The following MUC20 variants were observed in gnomAD, a reference collection of about 807,000 sequenced individuals.
The protein encoded by MUC20 is mucin-20.
MUC20 carries 14 observed loss-of-function variants against 23.8 expected under a neutral mutation model. That is an observed-to-expected ratio of 0.59 (90% CI 0.39 to 0.92). The LOEUF (loss-of-function observed/expected upper bound fraction) is 0.92. Ranked by LOEUF, MUC20 falls within the 40% of genes least tolerant of loss-of-function variation. The pLI, the probability that MUC20 is intolerant of heterozygous loss-of-function variation, is 0.00. For synonymous variants in MUC20, 166 were observed against 279.3 expected, an observed-to-expected ratio of 0.59 and a Z score of 4.04; for missense variants, 375 against 668.8, an observed-to-expected ratio of 0.56 and a Z score of 4.85.
In MUC20 at chr3:195,733,149, G is replaced by C. The variant is rs1485589711; in HGVS notation, c.2062-1G>C. ...GGACAGCTGGCTCTTTTGCTCTCCA[G>C]CTCCACCGGGAACTCCACGCCCACG... On this transcript the variant is annotated splice_acceptor_variant, in intron 3 of 3. Coordinates refer to ENST00000447234, the MANE Select transcript of MUC20 (RefSeq NM_001282506.2). LOFTEE classifies it high-confidence loss of function. 1 of 1,586,132 alleles carries C rather than the reference G, an allele frequency of 6.3e-7. No individual in the cohort carries two copies. Among genetic ancestry groups the C allele is most frequent in the African/African-American group, 1.3e-5 (1 of 74,370 alleles).
Position 195,733,198 on chromosome 3 carries a change from C to G in MUC20, c.2110C>G (p.Leu704Val). 6.3e-7 allele frequency: 1 copy of G among 1,594,384 alleles called. No individual in the cohort carries two copies. The highest frequency in any genetic ancestry group is 8.5e-7 in the Non-Finnish European group (1 of 1,171,412). ...CGCGCCTCACTTCCAGGTCTCCTTA[C>G]TGCGTGTCAGGAGAGGCTAACGGAC... ...AHAPHFQVSL[L>V]RVRRG The change falls in exon 4 of 4, where the codon CTG (leucine) becomes GTG (valine). Residue 704 changes from leucine (L) to valine (V), a missense_variant. Physicochemically the swap from Leu to Val is conservative, Grantham distance 32. Around this residue, in one of 4 missense-constraint regions of MUC20, gnomAD observed 343 missense variants for 340.2 expected, o/e 1.01. Coordinates refer to ENST00000447234, the MANE Select transcript of MUC20 (RefSeq NM_001282506.2).
At chr3:195,723,601 G>T (rs546559791) in intron 1 of MUC20, among the ~76,000 whole-genome samples, 1 of 109,656 alleles carries the variant, frequency 9.1e-6, no homozygotes, top group Non-Finnish European at 1.9e-5. Context: ...AAAGTTATTC[G>T]TCGTTTATCT....
At chr3:195,731,064 A>G (rs1354984169) in intron 3 of MUC20, among the ~76,000 whole-genome samples, 1 of 152,256 alleles carries the variant, frequency 6.6e-6, no homozygotes, top group Non-Finnish European at 1.5e-5. Flanking sequence ...CTCTGCTCAC[A>G]GATGTAACCG....
At chr3:195,728,804 C>T (rs989945382) in intron 2 of MUC20, among the ~76,000 whole-genome samples, 5 of 152,170 alleles carry the variant, frequency 3.3e-5, no homozygotes, top group Non-Finnish European at 5.9e-5. Context: ...CGGCTTTCCA[C>T]AGTGCATTGT....
rs760495917 is a variant in MUC20 at position 195,725,949 on chromosome 3, G to C, written c.1346G>C (p.Gly449Ala). Residue 449 changes from glycine to alanine, a missense_variant, in exon 2 of 4, where the codon GGG becomes GCG. By Grantham distance (60) the Gly-to-Ala change is moderately conservative (BLOSUM62 0). Transcript: ENST00000447234. ...ASDTDLIPTE[G>A]VKASSTSDPP... ...GACACAGATCTCATCCCCACGGAAGGGGTGAAGGCCTCGTCCACCTCCGAT... is the reference window on the plus strand; with the variant it reads ...GACACAGATCTCATCCCCACGGAAGCGGTGAAGGCCTCGTCCACCTCCGAT... 1.1e-5 allele frequency: 17 copies of C among 1,613,648 alleles called. No homozygotes were observed. The highest frequency in any genetic ancestry group is 1.4e-5 in the Non-Finnish European group (16 of 1,179,754).
At chr3:195,730,393 T>G (rs1056296413) in intron 3 of MUC20, among the ~76,000 whole-genome samples, 1 of 152,278 alleles carries the variant, frequency 6.6e-6, no homozygotes, top group Non-Finnish European at 1.5e-5. Context: ...TCGCCCAGGC[T>G]GGAGTGCAGT....
At chr3:195,729,890 C>A (rs1167722325) in intron 3 of MUC20, 151 bp downstream of exon 3, 1 of 765,162 alleles carries the variant, frequency 1.3e-6, no homozygotes, top group Admixed American at 2.6e-5. Context: ...ATCTGAGGAT[C>A]TCTGCCTGGC....
chr3:195,727,801 A>G (rs1274538247), intron 2 of MUC20, among the ~76,000 whole-genome samples: 1 of 151,924 alleles, frequency 6.6e-6, no homozygotes, highest in African/African-American at 2.4e-5. Flanking sequence ...GGCTTTGTAT[A>G]TGTTATCTGA....
chr3:195,723,378 T>G, intron 1 of MUC20, among the ~76,000 whole-genome samples: 1 of 104,692 alleles, frequency 9.6e-6, no homozygotes, highest in Non-Finnish European at 2.0e-5. Context: ...CCAGGGGAGG[T>G]CAGACTCCAA....
rs1354436489 is a variant in MUC20 at position 195,730,140 on chromosome 3, C to G, written c.2061+401C>G. ...AAAAAAAAGGCAAGGTCTGAGAAACCTACAAGTGTCTCTTCAGCTTCAGTA... is the reference window on the plus strand; with the variant it reads ...AAAAAAAAGGCAAGGTCTGAGAAACGTACAAGTGTCTCTTCAGCTTCAGTA... On this transcript the variant is annotated intron_variant, in intron 3 of 3. Transcript: ENST00000447234. The G allele has an allele frequency of 2.8e-5, 5 of 176,482 alleles. No individual in the cohort carries two copies. In the South Asian group the frequency reaches 6.8e-4, roughly 24 times the overall value. 10.9% of individuals were successfully genotyped at this position (176,482 alleles called of 1,614,324 possible).
chr3:195,727,008 A>G (rs2148701759), intron 2 of MUC20, among the ~76,000 whole-genome samples: 1 of 152,418 alleles, frequency 6.6e-6, no homozygotes, highest in African/African-American at 2.4e-5. Context: ...GGCAGGCATC[A>G]GGCCCAAGCT....
rs369446225 is a variant in MUC20 at position 195,726,542 on chromosome 3, C to G, written c.1939C>G (p.Arg647Gly). 64 of 1,613,700 alleles carry G rather than the reference C, an allele frequency of 4.0e-5. No individual in the cohort carries two copies. Among genetic ancestry groups the G allele is most frequent in the East Asian group, 6.7e-5 (3 of 44,904 alleles). ...CCCAACAGCCACGCCCACGACTGCC[C>G]GGACGAGGCCGACCACAGACGTGAG... ...KPPTATPTTA[R>G]TRPTTDVSAG... is the part of the protein sequence containing the mutation. The change falls in exon 2 of 4, where the codon CGG becomes GGG. Residue 647 changes from arginine (R) to glycine (G), a missense_variant. By Grantham distance (125) the Arg-to-Gly change is moderately radical. Transcript: ENST00000447234.
chr3:195,733,459 AC>A lies in MUC20; in HGVS notation c.*243del, dbSNP rs879181201. ...TGTTCCCAGAGGTGTCCTTGGACTC[AC>A]CTTGGCACATGTTCTGTGTTTCAGT... On this transcript the variant is annotated 3_prime_UTR_variant, in exon 4 of 4. Coordinates refer to ENST00000447234, the MANE Select transcript of MUC20 (RefSeq NM_001282506.2). 1 of 1,413,224 alleles carries A rather than the reference AC, an allele frequency of 7.1e-7. No homozygotes were observed. The highest frequency in any genetic ancestry group is 1.6e-5 in the South Asian group (1 of 62,358). 87.5% of individuals were successfully genotyped at this position (1,413,224 alleles called of 1,614,324 possible).
At chr3:195,731,500 A>C (rs1164709575) in intron 3 of MUC20, among the ~76,000 whole-genome samples, 1 of 152,264 alleles carries the variant, frequency 6.6e-6, no homozygotes, top group African/African-American at 2.4e-5. Flanking sequence ...CAATGCCAGG[A>C]CAGCAGGCTT....
chr3:195,725,888 A>G lies in MUC20; in HGVS notation c.1285A>G (p.Ile429Val), dbSNP rs56769649. 8.1e-3 allele frequency: 12,846 copies of G among 1,589,182 alleles called. 264 individuals are homozygous for G. In the African/African-American group the frequency reaches 0.17, roughly 21 times the overall value. The change falls in exon 2 of 4, where the codon ATA (isoleucine) becomes GTA (valine). Residue 429 changes from isoleucine to valine, a missense_variant. Physicochemically the swap from Ile to Val is conservative, Grantham distance 29. Transcript: ENST00000447234. ...IEVINCSITE[I>V]ETTTSSIPGA... ...GGTTATTAATTGCAGCATCACAGAA[A>G]TAGAAACAACGACTTCCAGCATCCC...
chr3:195,727,679 T>C (rs889317717), intron 2 of MUC20, among the ~76,000 whole-genome samples: 2 of 152,290 alleles, frequency 1.3e-5, no homozygotes, highest in Admixed American at 6.5e-5. Flanking sequence ...AGGGGTGATA[T>C]AAACATGTTT....
chr3:195,731,371 G>A (rs1258233816), intron 3 of MUC20, among the ~76,000 whole-genome samples: 1 of 152,264 alleles, frequency 6.6e-6, no homozygotes, highest in Admixed American at 6.5e-5. Context: ...CCTTAGCAGA[G>A]GGAAGCAAGA....
chr3:195,726,476 T>G lies in MUC20; in HGVS notation c.1873T>G (p.Leu625Val), dbSNP rs575256084. 7 of 1,614,028 alleles carry G rather than the reference T, an allele frequency of 4.3e-6. No homozygotes were observed. The highest frequency in any genetic ancestry group is 5.9e-6 in the Non-Finnish European group (7 of 1,179,896). The change falls in exon 2 of 4, where the codon TTA becomes GTA. Residue 625 changes from leucine (L) to valine (V), a missense_variant. By Grantham distance (32) the Leu-to-Val change is conservative (BLOSUM62 1). Around this residue, in one of 4 missense-constraint regions of MUC20, gnomAD observed 343 missense variants for 340.2 expected, o/e 1.01. Transcript: ENST00000447234. The stretch of plus-strand genomic sequence containing the variant: ...CAGCAGCCGAGGGACGAACAGCACC[T>G]TAGCCAAGATCACAACCTCAGCGAA... ...TNSSRGTNST[L>V]AKITTSAKTT...
chr3:195,729,734 C>T lies in MUC20; in HGVS notation c.2056C>T (p.Gln686Ter), dbSNP rs1036904840. ...CCCCAGAGTGGCAGAAAGGCTGATG[C>T]AGCAGGTGAGTGGGCACTTTCCGGG... ...TDPRVAERLM[Q>*]QLHRELHAHA... Residue 686 changes from glutamine to a stop codon, truncating the protein, a stop_gained, in exon 3 of 4, where the codon CAG (glutamine) becomes TAG (stop). Coordinates refer to ENST00000447234, the MANE Select transcript of MUC20 (RefSeq NM_001282506.2). LOFTEE classifies it low-confidence loss of function (END_TRUNC). 4 of 1,594,352 alleles carry T rather than the reference C, an allele frequency of 2.5e-6. No individual in the cohort carries two copies. The highest frequency in any genetic ancestry group is 2.7e-5 in the African/African-American group (2 of 74,476).
Sources: allele counts gnomAD v4.1 joint callset (sites outside exome capture counted in the v4.1 genomes callset), GRCh38; gene constraint gnomAD v4.1.1; regional missense constraint gnomAD v4.1.1; transcripts MANE v1.5; gene names NCBI Gene and HGNC (gene_info 2026-07-23, HGNC 2026-07-21).